The following NEXN variants were observed in gnomAD, a reference collection of about 807,000 sequenced individuals.
The protein encoded by NEXN is nexilin.
NEXN carries 65 observed loss-of-function variants against 92.6 expected under a neutral mutation model. The ratio of observed to expected loss-of-function variants is 0.70; its 90% CI spans 0.57 to 0.86. The LOEUF (loss-of-function observed/expected upper bound fraction) is 0.86, where lower values mean the gene tolerates loss of function less well. NEXN is among the 40% of genes least tolerant of loss of function. The pLI is 0.00. For missense variants in NEXN, 778 were observed against 771.1 expected (o/e 1.01, Z -0.11); for synonymous variants, 254 against 242.5 (o/e 1.05, Z -0.44).
In NEXN at chr1:77,933,470, A is replaced by C. The variant is rs1650474155; in HGVS notation, c.1242A>C (p.Glu414Asp). ...AAGAATTTGAACAACTGAGACAGGA[A>C]ATGGGAGAGGTAAGATTTTAAGAAA... is the stretch of plus-strand genomic sequence containing the variant. The part of the protein sequence containing the change: ...EKQEFEQLRQ[E>D]MGEEEEENET... Residue 414 changes from glutamate to aspartate, a missense_variant, in exon 10 of 13, where the codon GAA becomes GAC. Physicochemically the swap from Glu to Asp is conservative, Grantham distance 45. Coordinates refer to ENST00000334785, the MANE Select transcript of NEXN (RefSeq NM_144573.4). 1.2e-6 allele frequency: 2 copies of C among 1,605,542 alleles called. No homozygotes were observed. The highest frequency in any genetic ancestry group is 8.5e-7 in the Non-Finnish European group (1 of 1,172,578).
At chr1:77,942,363 CTTTACTTAAAAAAAAAAA>C (rs1651422746) in intron 12 of NEXN, 80 bp from the exon 13 acceptor site, 1 of 1,426,642 alleles carries the variant, frequency 7.0e-7, no homozygotes, top group African/African-American at 1.4e-5. Context: ...CTTGTATGTT[CTTTACTTAAAAAAAAAAA>C]TTTCATTTCA....
At chr1:77,921,920 A>C (rs1649451129) in intron 5 of NEXN, among the ~76,000 whole-genome samples, 1 of 151,904 alleles carries the variant, frequency 6.6e-6, no homozygotes, top group Non-Finnish European at 1.5e-5. Flanking sequence ...CTGTCTCTAC[A>C]AAAAAATCTA....
chr1:77,895,029 A>ATTTTTTTTTTTTTTTTTTTTTT (rs559226754), intron 1 of NEXN, among the ~76,000 whole-genome samples: 1 of 61,654 alleles, frequency 1.6e-5, no homozygotes, highest in Non-Finnish European at 2.9e-5. Flanking sequence ...CTATAGTGTA[A>ATTTTTTTTTTTTTTTTTTTTTT]TTTTTTTTTT....
At chr1:77,937,166 C>T (rs530702834) in intron 11 of NEXN, among the ~76,000 whole-genome samples, 246 of 151,882 alleles carry the variant, frequency 1.6e-3, no homozygotes, top group Non-Finnish European at 3.1e-3. Context: ...TATCCGAGCA[C>T]AGTGGTGCAT....
intron 1 of NEXN, among the ~76,000 whole-genome samples, chr1:77,905,944 G>T (rs1016418140): frequency 3.9e-5 from 6 of 152,058 alleles, no homozygotes; most frequent in African/African-American, 1.4e-4. Flanking sequence ...GGAGGGAGGG[G>T]TAAAAAGAGA....
At chr1:77,913,185 T>C (rs1648716070) in intron 1 of NEXN, among the ~76,000 whole-genome samples, 1 of 151,936 alleles carries the variant, frequency 6.6e-6, no homozygotes, top group African/African-American at 2.4e-5. Context: ...GAGGCCGAGG[T>C]GGGCGGATCA....
chr1:77,937,192 T>C (rs2102160102), intron 11 of NEXN, among the ~76,000 whole-genome samples: 1 of 152,140 alleles, frequency 6.6e-6, no homozygotes, highest in Non-Finnish European at 1.5e-5. Context: ...TAGTCCCAGT[T>C]ACTTGGGAGG....
chr1:77,892,932 T>C (rs993028629), intron 1 of NEXN, among the ~76,000 whole-genome samples: 3 of 151,710 alleles, frequency 2.0e-5, no homozygotes, highest in South Asian at 2.1e-4. Context: ...AGTGGCATGA[T>C]CTTGGCTCAC....
chr1:77,900,821 C>G (rs1647647878), intron 1 of NEXN, among the ~76,000 whole-genome samples: 1 of 152,168 alleles, frequency 6.6e-6, no homozygotes, highest in Non-Finnish European at 1.5e-5. Flanking sequence ...ATTCAATTGA[C>G]TTGCCTGGGA....
chr1:77,935,852 G>T lies in NEXN; in HGVS notation c.1281G>T (p.Leu427Phe). 7 of 1,612,956 alleles carry T rather than the reference G, an allele frequency of 4.3e-6. No individual in the cohort carries two copies. The South Asian group carries it at 7.7e-5, about 18-fold the overall frequency. ...AGGAAGAAAATGAAACCTTTGGATT[G>T]AGCAGAGAATATGAAGAACTGATCA... ...EEEEENETFGLSREYEELIKL... is the reference protein window; with the variant it reads ...EEEEENETFGFSREYEELIKL... Residue 427 changes from leucine (L) to phenylalanine (F), a missense_variant, in exon 11 of 13, where the codon TTG becomes TTT. Leu to Phe is a conservative substitution (Grantham distance 22). Coordinates refer to ENST00000334785, the MANE Select transcript of NEXN (RefSeq NM_144573.4).
rs1404689279 is a variant in NEXN at position 77,943,520 on chromosome 1, TAAA to T, written c.*692_*694del. 1 of 154,708 alleles carries T rather than the reference TAAA, an allele frequency of 6.5e-6. No individual in the cohort carries two copies. Among genetic ancestry groups the T allele is most frequent in the Non-Finnish European group, 1.4e-5 (1 of 70,058 alleles). The allele number at this position is 154,708 out of a possible 1,614,324, so 9.6% of individuals were successfully genotyped here. On this transcript the variant is annotated 3_prime_UTR_variant, in exon 13 of 13. Coordinates refer to ENST00000334785, the MANE Select transcript of NEXN (RefSeq NM_144573.4). ...GGAGAAAAACAAAAATTAAAGGACT[TAAA>T]GAATGGCTATACAGTGTTGAGTGTT...
chr1:77,889,510 A>G (rs548148407), intron 1 of NEXN: 3 of 152,214 alleles, frequency 2.0e-5, no homozygotes, highest in East Asian at 1.9e-4. Flanking sequence ...GAAAACGCCA[A>G]ACCATTCCAG....
intron 8 of NEXN, among the ~76,000 whole-genome samples, chr1:77,927,910 T>G (rs1262034594): frequency 6.6e-6 from 1 of 152,134 alleles, no homozygotes; most frequent in Non-Finnish European, 1.5e-5. Context: ...GTTTGTTACA[T>G]ATACTAAGTT....
At chr1:77,922,374 C>T (rs1452815278) in intron 5 of NEXN, among the ~76,000 whole-genome samples, 1 of 151,998 alleles carries the variant, frequency 6.6e-6, no homozygotes, top group Non-Finnish European at 1.5e-5. Context: ...CATGATCCGC[C>T]TGCCTCGGCC....
chr1:77,916,476 C>T (rs1648984397), intron 2 of NEXN, among the ~76,000 whole-genome samples: 1 of 152,086 alleles, frequency 6.6e-6, no homozygotes, highest in African/African-American at 2.4e-5. Flanking sequence ...GACCTATACT[C>T]ATAGGAGAAA....
At chr1:77,939,838 C>T (rs1249788212) in intron 11 of NEXN, among the ~76,000 whole-genome samples, 1 of 152,138 alleles carries the variant, frequency 6.6e-6, no homozygotes, top group African/African-American at 2.4e-5. Flanking sequence ...CTTTGGGAGG[C>T]GGAGGCAGGC....
chr1:77,943,321 G>C lies in NEXN; in HGVS notation c.*492G>C, dbSNP rs1651562088. ...TCTGAGCTTTTTACACCTAAAATTA[G>C]GCTGAAATAGCTGAGATAATTAATT... On this transcript the variant is annotated 3_prime_UTR_variant, in exon 13 of 13. Transcript: ENST00000334785. The C allele has an allele frequency of 5.7e-6, 1 of 176,480 alleles. No homozygotes were observed. Among genetic ancestry groups the C allele is most frequent in the Non-Finnish European group, 1.2e-5 (1 of 82,836 alleles). The allele number at this position is 176,480 out of a possible 1,614,324, so 10.9% of individuals were successfully genotyped here.
intron 1 of NEXN, among the ~76,000 whole-genome samples, chr1:77,899,919 T>C (rs1427328683): frequency 1.3e-5 from 2 of 152,196 alleles, no homozygotes; most frequent in Admixed American, 6.5e-5. Context: ...CCAAGGTCAT[T>C]GTACTTGTCC....
chr1:77,931,390 G>A (rs1237152133), intron 9 of NEXN, among the ~76,000 whole-genome samples: 1 of 138,382 alleles, frequency 7.2e-6, no homozygotes, highest in Non-Finnish European at 1.5e-5. Flanking sequence ...TCCAGCCTGG[G>A]GGACAGAGTG....
Sources: gnomAD v4.1 joint callset for allele counts (sites outside exome capture counted in the v4.1 genomes callset) on GRCh38, gnomAD v4.1.1 for gene constraint, MANE v1.5 for transcripts, NCBI Gene and HGNC (gene_info 2026-07-23, HGNC 2026-07-21) for gene names.